ACSL4: variants seen among roughly 807,000 people sequenced by gnomAD.
ACSL4 encodes long-chain-fatty-acid--CoA ligase 4.
In ACSL4, 9 loss-of-function variants were observed where a neutral mutation model predicts 49.1. The ratio of observed to expected loss-of-function variants is 0.18; its 90% CI spans 0.11 to 0.32. The LOEUF is 0.32. Ranked by LOEUF, ACSL4 falls within the 10% of genes least tolerant of loss-of-function variation. The pLI is 1.00. For missense variants in ACSL4, 333 were observed against 493.7 expected (o/e 0.67, Z 3.08); for synonymous variants, 191 against 170.3 (o/e 1.12, Z -0.95).
At chrX:109,689,761 T>C (rs1924903957) in intron 2 of ACSL4, among the ~76,000 whole-genome samples, 1 of 112,279 alleles carries the variant, frequency 8.9e-6, no homozygotes, top group African/African-American at 3.2e-5. Context: ...CGTTATTTTT[T>C]TCCTGAGTAC....
At chrX:109,665,576 C>G in intron 11 of ACSL4, 82 bp from the exon 12 acceptor site, 3 of 842,159 alleles carry the variant, frequency 3.6e-6, no homozygotes, top group Non-Finnish European at 1.8e-6. Flanking sequence ...AGAGTTAGAA[C>G]CAGAGTCAGA....
At chrX:109,692,994 T>G (rs1024233880) in intron 2 of ACSL4, among the ~76,000 whole-genome samples, 3 of 111,749 alleles carry the variant, frequency 2.7e-5, no homozygotes, top group Non-Finnish European at 5.6e-5. Flanking sequence ...AAAAAGTCTT[T>G]AAGCAGCAGT....
At chrX:109,701,973 G>A (rs1180179201) in intron 1 of ACSL4, among the ~76,000 whole-genome samples, 1 of 104,419 alleles carries the variant, frequency 9.6e-6, no homozygotes, top group Non-Finnish European at 2.0e-5. Flanking sequence ...ACTTTGGGAG[G>A]CCGAGGTGGG....
chrX:109,656,781 C>A (rs1361945587), intron 15 of ACSL4, among the ~76,000 whole-genome samples: 1 of 109,128 alleles, frequency 9.2e-6, no homozygotes, highest in East Asian at 2.8e-4. Context: ...ACATGGAATC[C>A]CTCGTTGGGA....
At position 109,641,884 on chromosome X, in the gene ACSL4, C is replaced by A. The variant is rs868601242; in HGVS notation, c.*2145G>T. On this transcript the variant is annotated 3_prime_UTR_variant, in exon 16 of 16. Transcript: ENST00000672401. ...ATGTAATAACTGTGAGCAATTTAAA[C>A]AGGTATAAAAATGTGAGATCAAAAT... 78 of 112,332 alleles carry A rather than the reference C, an allele frequency of 6.9e-4. No homozygotes were observed. Among genetic ancestry groups the A allele is most frequent in the African/African-American group, 2.5e-3 (76 of 30,885 alleles). The allele number at this position is 112,332 out of a possible 1,213,427, so 9.3% of individuals were successfully genotyped here.
intron 1 of ACSL4, among the ~76,000 whole-genome samples, chrX:109,725,247 A>AT (rs34867628): frequency 3.6e-3 from 299 of 84,162 alleles, no homozygotes; most frequent in South Asian, 9.5e-3. Context: ...ACACCCAGCT[A>AT]TTTTTTTTTT....
At chrX:109,644,426 C>A (rs5985398) in intron 15 of ACSL4, among the ~76,000 whole-genome samples, 1,643 of 110,093 alleles carry the variant, frequency 0.015, 28 homozygotes, top group East Asian at 0.062. Flanking sequence ...CAAAGTATAC[C>A]TAAGTTGTTT....
Position 109,706,773 on chromosome X carries a change from G to T in ACSL4, c.-65-10577C>A, listed in dbSNP as rs777134652. ...CTTTCCAAGTTTAGTCAAGAAGTGT[G>T]TTGATACATGGATGAATCTGAATTT... is the stretch of plus-strand genomic sequence containing the variant. On this transcript the variant is annotated intron_variant, in intron 1 of 15. Transcript: ENST00000672401. Among the ~76,000 whole-genome samples the T allele has an allele frequency of 8.9e-5, 10 of 112,422 alleles. No individual in the cohort carries two copies. In the South Asian group the frequency reaches 1.4e-3, roughly 16 times the overall value.
intron 8 of ACSL4, among the ~76,000 whole-genome samples, chrX:109,675,349 T>C (rs1158579167): frequency 8.9e-6 from 1 of 112,804 alleles, no homozygotes; most frequent in African/African-American, 3.2e-5. Flanking sequence ...CTTGTGATCA[T>C]AGTAATCCTG....
intron 8 of ACSL4, among the ~76,000 whole-genome samples, chrX:109,676,695 A>C (rs184830605): frequency 1.5e-3 from 170 of 110,946 alleles, no homozygotes; most frequent in African/African-American, 5.3e-3. Context: ...TAGGTGTGTA[A>C]TTTCAAATGG....
At chrX:109,657,133 G>A (rs950587149) in intron 15 of ACSL4, among the ~76,000 whole-genome samples, 1 of 111,938 alleles carries the variant, frequency 8.9e-6, no homozygotes, top group South Asian at 3.7e-4. Context: ...CTATAGCAGA[G>A]TCCAGGCCTC....
At chrX:109,714,611 C>T (rs1047023397) in intron 1 of ACSL4, among the ~76,000 whole-genome samples, 1 of 111,183 alleles carries the variant, frequency 9.0e-6, no homozygotes, top group Non-Finnish European at 1.9e-5. Context: ...TCTTTTATAC[C>T]GTTTTTTTTT....
At position 109,648,972 on chromosome X, in the gene ACSL4, T is replaced by C. The variant is rs752370847; in HGVS notation, c.1856-4786A>G. Among the ~76,000 whole-genome samples, 305 of 99,962 alleles carry C rather than the reference T, an allele frequency of 3.1e-3. 3 individuals carry two copies. The highest frequency in any genetic ancestry group is 0.011 in the African/African-American group (292 of 27,027). The allele number at this position is 99,962 out of a possible 115,157, so 86.8% of individuals were successfully genotyped here. A position where few individuals can be genotyped will look rare whatever the true frequency, so the allele number is the denominator to read the frequency against. On this transcript the variant is annotated intron_variant, in intron 15 of 15. Transcript: ENST00000672401. The stretch of plus-strand genomic sequence containing the variant: ...ACCTAGGAATCCAACTTACAAGGGA[T>C]GTGAAGGACCTCTTCAAGGAGAACT...
At chrX:109,693,387 C>T (rs891092746) in intron 2 of ACSL4, among the ~76,000 whole-genome samples, 4 of 111,830 alleles carry the variant, frequency 3.6e-5, no homozygotes, top group African/African-American at 1.3e-4. Flanking sequence ...AGTCAATGCT[C>T]ACATATTAGC....
chrX:109,709,509 G>C (rs930328432), intron 1 of ACSL4, among the ~76,000 whole-genome samples: 1 of 112,315 alleles, frequency 8.9e-6, no homozygotes, highest in African/African-American at 3.2e-5. Context: ...GAAATGTTTC[G>C]AGCAGTGGTA....
intron 4 of ACSL4, among the ~76,000 whole-genome samples, chrX:109,682,051 C>T (rs1924202721): frequency 8.9e-6 from 1 of 112,079 alleles, no homozygotes; most frequent in Admixed American, 9.5e-5. Flanking sequence ...CTTTCACAAG[C>T]TGTTCATCGT....
intron 1 of ACSL4, among the ~76,000 whole-genome samples, chrX:109,715,771 A>C (rs1040033536): frequency 1.4e-4 from 16 of 111,722 alleles, no homozygotes; most frequent in African/African-American, 4.9e-4. Context: ...CCTACATATA[A>C]ACAAGAATAT....
chrX:109,721,246 T>G (rs1397797817), intron 1 of ACSL4, among the ~76,000 whole-genome samples: 2 of 112,172 alleles, frequency 1.8e-5, no homozygotes, highest in African/African-American at 6.5e-5. Flanking sequence ...AAAGCAGAAA[T>G]TACTAACATA....
At chrX:109,655,714 A>G (rs1921582977) in intron 15 of ACSL4, among the ~76,000 whole-genome samples, 2 of 111,288 alleles carry the variant, frequency 1.8e-5, no homozygotes, top group Admixed American at 1.9e-4. Context: ...CCACACTAAG[A>G]TACATCATTA....
Sources: gnomAD v4.1 joint callset for allele counts (sites outside exome capture counted in the v4.1 genomes callset) on GRCh38, gnomAD v4.1.1 for gene constraint, MANE v1.5 for transcripts, NCBI Gene and HGNC (gene_info 2026-07-23, HGNC 2026-07-21) for gene names.